SCAPER: variants seen among roughly 807,000 people sequenced by gnomAD.
The protein encoded by SCAPER is S-phase cyclin A associated protein in the ER, also known as S phase cyclin A-associated protein in the endoplasmic reticulum.
In SCAPER, 98 loss-of-function variants were observed where a neutral mutation model predicts 182.2. That is an observed-to-expected ratio of 0.54 (90% confidence interval 0.46 to 0.64). The LOEUF (loss-of-function observed/expected upper bound fraction) is 0.64. Ranked by LOEUF, SCAPER falls within the 30% of genes least tolerant of loss-of-function variation. The pLI is 0.00. For missense variants in SCAPER, 1,432 were observed against 1,690.0 expected (o/e 0.85, Z 2.68); for synonymous variants, 605 against 564.6 (o/e 1.07, Z -1.01).
intron 29 of SCAPER, among the ~76,000 whole-genome samples, chr15:76,362,692 T>G (rs1411103249): frequency 1.3e-5 from 2 of 152,116 alleles, no homozygotes; most frequent in African/African-American, 4.8e-5. Context: ...ATTACAGGTG[T>G]AAGCCACTGC....
At position 76,413,665 on chromosome 15, in the gene SCAPER, G is replaced by A. The variant is rs182649296; in HGVS notation, c.3312-8986C>T. The stretch of plus-strand genomic sequence containing the variant: ...AGTAAAGATAGTGTCTATCTCCCAG[G>A]CAAAGGTTGAACAGGTCTATTTTTA... On this transcript the variant is annotated intron_variant, in intron 26 of 31. Coordinates refer to ENST00000563290, the MANE Select transcript of SCAPER (RefSeq NM_020843.4). Among the ~76,000 whole-genome samples, 8 of 152,262 alleles carry A rather than the reference G, an allele frequency of 5.3e-5. No homozygotes were observed. In the East Asian group the frequency reaches 1.5e-3, roughly 29 times the overall value.
At chr15:76,643,683 A>C (rs1415380921) in intron 21 of SCAPER, among the ~76,000 whole-genome samples, 3 of 152,172 alleles carry the variant, frequency 2.0e-5, no homozygotes, top group Non-Finnish European at 4.4e-5. Context: ...CTCTGTCTTT[A>C]AAAAACAAAC....
intron 4 of SCAPER, among the ~76,000 whole-genome samples, chr15:76,855,273 A>T (rs2071222482): frequency 6.6e-6 from 1 of 152,052 alleles, no homozygotes; most frequent in Non-Finnish European, 1.5e-5. Flanking sequence ...ACAAAAATCA[A>T]CTCAAGATGG....
At chr15:76,898,264 G>A (rs1032332381) in intron 1 of SCAPER, among the ~76,000 whole-genome samples, 6 of 152,208 alleles carry the variant, frequency 3.9e-5, no homozygotes, top group Non-Finnish European at 8.8e-5. Flanking sequence ...TGTTGGAGAA[G>A]ATGTGGAGAA....
At chr15:76,553,635 A>T (rs561911752) in intron 23 of SCAPER, among the ~76,000 whole-genome samples, 2 of 152,130 alleles carry the variant, frequency 1.3e-5, no homozygotes, top group Admixed American at 1.3e-4. Context: ...GCAGGTTCCT[A>T]AACTCAAGGG....
rs73455365 is a variant in SCAPER, at chr15:76,857,903, T to C, written c.125-24A>G. 2,318 of 1,445,724 alleles carry C rather than the reference T, an allele frequency of 1.6e-3. 41 individuals are homozygous for C. The African/African-American group carries it at 0.028, about 18-fold the overall frequency. The allele number at this position is 1,445,724 out of a possible 1,614,324, so 89.6% of individuals were successfully genotyped here. A position where few individuals can be genotyped will look rare whatever the true frequency, so the allele number is the denominator to read the frequency against. On this transcript the variant is annotated intron_variant, in intron 3 of 31. Transcript: ENST00000563290. ...TCCTTCAAGGCAAGAAAAAAATAAA[T>C]ATGTAGATATACAGAATGATAGATA...
chr15:76,717,927 A>G (rs1393831958), intron 17 of SCAPER, among the ~76,000 whole-genome samples: 1 of 152,156 alleles, frequency 6.6e-6, no homozygotes, highest in Non-Finnish European at 1.5e-5. Flanking sequence ...CTTTGACCAA[A>G]TGGACCTAAT....
At chr15:76,466,992 C>T (rs2049718414) in intron 25 of SCAPER, among the ~76,000 whole-genome samples, 1 of 152,032 alleles carries the variant, frequency 6.6e-6, no homozygotes, top group Admixed American at 6.6e-5. Context: ...AGGCAGATTT[C>T]CCCCTTGCTG....
intron 20 of SCAPER, among the ~76,000 whole-genome samples, chr15:76,672,665 A>T (rs2057107955): frequency 6.6e-6 from 1 of 152,196 alleles, no homozygotes. Flanking sequence ...TTTAATAAAA[A>T]ATGATTTCAA....
chr15:76,706,849 C>G (rs1323668126), intron 17 of SCAPER, among the ~76,000 whole-genome samples: 1 of 151,730 alleles, frequency 6.6e-6, no homozygotes, highest in African/African-American at 2.4e-5. Context: ...TAAAAAGAAA[C>G]AAACTGTTGA....
intron 1 of SCAPER, among the ~76,000 whole-genome samples, chr15:76,903,673 G>C (rs1230283386): frequency 6.6e-6 from 1 of 152,156 alleles, no homozygotes; most frequent in African/African-American, 2.4e-5. Flanking sequence ...CTCAGTCTGA[G>C]GTATTTTGCT....
intron 30 of SCAPER, 149 bp from the exon 31 acceptor site, chr15:76,351,437 C>G (rs1047518937): frequency 3.5e-6 from 2 of 567,344 alleles, no homozygotes; most frequent in Non-Finnish European, 5.9e-6. Context: ...ACTGATGTTA[C>G]GTAGTGCAGG....
At chr15:76,389,971 T>G (rs186805085) in intron 27 of SCAPER, among the ~76,000 whole-genome samples, 1 of 152,028 alleles carries the variant, frequency 6.6e-6, no homozygotes, top group Admixed American at 6.5e-5. Context: ...TTTTTTTTTC[T>G]TTTGAGGCAG....
At chr15:76,688,664 C>T (rs373201640) in intron 20 of SCAPER, among the ~76,000 whole-genome samples, 11 of 152,088 alleles carry the variant, frequency 7.2e-5, no homozygotes, top group African/African-American at 1.7e-4. Flanking sequence ...AGCCAGTTTT[C>T]CCAACACCAT....
intron 3 of SCAPER, 41 bp downstream of exon 3, chr15:76,862,375 T>A: frequency 7.5e-7 from 1 of 1,331,392 alleles, no homozygotes; most frequent in Non-Finnish European, 1.1e-6. Context: ...TACACCCTCC[T>A]TATTTACAAC....
intron 20 of SCAPER, among the ~76,000 whole-genome samples, chr15:76,692,163 A>G (rs2058396634): frequency 6.6e-6 from 1 of 152,228 alleles, no homozygotes; most frequent in South Asian, 2.1e-4. Context: ...GAATACTGCA[A>G]TGGTCAGGTT....
intron 27 of SCAPER, among the ~76,000 whole-genome samples, chr15:76,384,169 CA>C (rs547577252): frequency 3.3e-5 from 5 of 152,168 alleles, no homozygotes; most frequent in Admixed American, 6.5e-5. Context: ...AGTGACAAGT[CA>C]GAAGATATTT....
At chr15:76,903,442 C>T (rs2074910015) in intron 1 of SCAPER, among the ~76,000 whole-genome samples, 1 of 152,256 alleles carries the variant, frequency 6.6e-6, no homozygotes, top group East Asian at 1.9e-4. Context: ...TGGGAGATGA[C>T]TGTATTATGA....
chr15:76,745,989 AG>A (rs2151143356), intron 15 of SCAPER, among the ~76,000 whole-genome samples: 1 of 152,352 alleles, frequency 6.6e-6, no homozygotes, highest in Admixed American at 6.5e-5. Flanking sequence ...CATAAGTAAC[AG>A]GATGAGATTT....
Sources: gnomAD v4.1 joint callset for allele counts (sites outside exome capture counted in the v4.1 genomes callset) on GRCh38, gnomAD v4.1.1 for gene constraint, MANE v1.5 for transcripts, NCBI Gene and HGNC (gene_info 2026-07-23, HGNC 2026-07-21) for gene names.